The following GPR108 variants were observed in gnomAD, a reference collection of about 807,000 sequenced individuals.
The protein encoded by GPR108 is protein GPR108.
Under a neutral mutation model 74.3 loss-of-function variants are expected in GPR108, and 60 were observed. That is an observed-to-expected ratio of 0.81 (90% CI 0.66 to 1.00). The LOEUF (loss-of-function observed/expected upper bound fraction) is 1.00. Among genes scored for constraint, GPR108 ranks in the 50% least tolerant of loss-of-function variants. GPR108 has a pLI of 0.00. For missense variants in GPR108, 667 were observed against 703.3 expected, an observed-to-expected ratio of 0.95 and a Z score of 0.58; for synonymous variants, 311 against 292.4, an observed-to-expected ratio of 1.06 and a Z score of -0.65.
At chr19:6,737,276 T>A in intron 1 of GPR108, 181 bp downstream of exon 1, 1 of 779,690 alleles carries the variant, frequency 1.3e-6, no homozygotes, top group East Asian at 3.3e-5. Context: ...ACCCGGCAAC[T>A]CCATCCGGAG....
chr19:6,730,606 G>T, intron 17 of GPR108: 1 of 564,958 alleles, frequency 1.8e-6, no homozygotes, highest in Non-Finnish European at 3.1e-6. Context: ...CAGCAGCCCT[G>T]GCCCCACCCA....
chr19:6,730,222 C>T lies in GPR108; in HGVS notation c.*90G>A, dbSNP rs771686815. On this transcript the variant is annotated 3_prime_UTR_variant, in exon 18 of 18. Coordinates refer to ENST00000264080, the MANE Select transcript of GPR108 (RefSeq NM_001080452.2). Reference sequence around the variant, plus strand: ...GCTGGGCGCCTGGTCCACATGGACCCCCTCCACCTCCCCACATACGCTGTG... The same window carrying T: ...GCTGGGCGCCTGGTCCACATGGACCTCCTCCACCTCCCCACATACGCTGTG... 7.9e-7 allele frequency: 1 copy of T among 1,268,176 alleles called. No homozygotes were observed. Among genetic ancestry groups the T allele is most frequent in the African/African-American group, 1.5e-5 (1 of 68,010 alleles). The allele number at this position is 1,268,176 out of a possible 1,614,324, so 78.6% of individuals were successfully genotyped here.
Position 6,730,027 on chromosome 19 carries a change from C to T in GPR108, c.*285G>A, listed in dbSNP as rs1386933182. The T allele has an allele frequency of 6.4e-6, 3 of 472,002 alleles. No homozygotes were observed. The highest frequency in any genetic ancestry group is 1.2e-5 in the Non-Finnish European group (3 of 258,528). 29.2% of individuals were successfully genotyped at this position (472,002 alleles called of 1,614,324 possible). A position where few individuals can be genotyped will look rare whatever the true frequency, so the allele number is the denominator to read the frequency against. The stretch of plus-strand genomic sequence containing the variant: ...GTAAACACAACCTCCGTGTAGACCC[C>T]AACCCCCAAAAAGGCAAGACAACGG... On this transcript the variant is annotated 3_prime_UTR_variant, in exon 18 of 18. Transcript: ENST00000264080.
rs1568240743 is a variant in GPR108, at chr19:6,734,851, T to TC, written c.375-545_375-544insG. Among the ~76,000 whole-genome samples, 23 of 21,930 alleles carry TC rather than the reference T, an allele frequency of 1.0e-3. No individual in the cohort carries two copies. The South Asian group carries it at 0.022, about 21-fold the overall frequency. 14.4% of individuals were successfully genotyped at this position (21,930 alleles called of 152,430 possible). A position where few individuals can be genotyped will look rare whatever the true frequency, so the allele number is the denominator to read the frequency against. ...TGAGCCACCATGGCCAGCCCTACATTATTATTATTATTATTATTATTATTA... is the reference window on the plus strand; with the variant it reads ...TGAGCCACCATGGCCAGCCCTACATTCATTATTATTATTATTATTATTATTA... On this transcript the variant is annotated intron_variant, in intron 4 of 17. Coordinates refer to ENST00000264080, the MANE Select transcript of GPR108 (RefSeq NM_001080452.2).
chr19:6,734,106 C>A, intron 5 of GPR108, 52 bp from the exon 6 acceptor site: 1 of 1,614,128 alleles, frequency 6.2e-7, no homozygotes, highest in Non-Finnish European at 8.5e-7. Context: ...GATAGAGGGG[C>A]AGTGGGAAAA....
rs377623541 is a variant in GPR108 at position 6,735,608 on chromosome 19, G to C, written c.374+14C>G. 1.2e-6 allele frequency: 2 copies of C among 1,611,750 alleles called. No homozygotes were observed. Among genetic ancestry groups the C allele is most frequent in the Non-Finnish European group, 1.7e-6 (2 of 1,178,036 alleles). On this transcript the variant is annotated intron_variant, in intron 4 of 17. Coordinates refer to ENST00000264080, the MANE Select transcript of GPR108 (RefSeq NM_001080452.2). ...AGACGAAGGATCTGAGCGAGCCCCC[G>C]GTCCCCAACTCACTGCAGATCCTTG...
chr19:6,731,320 G>C (rs764404652), intron 15 of GPR108, 38 bp from the exon 16 acceptor site: 2 of 1,527,160 alleles, frequency 1.3e-6, no homozygotes, highest in Admixed American at 2.1e-5. Context: ...CAGGACTGTA[G>C]GGGCACGGGC....
At position 6,732,400 on chromosome 19, in the gene GPR108, C is replaced by A. The variant is rs756351679; in HGVS notation, c.1008-20G>T. On this transcript the variant is annotated intron_variant, in intron 11 of 17. Coordinates refer to ENST00000264080, the MANE Select transcript of GPR108 (RefSeq NM_001080452.2). ...TTCAGCCTGAAGGAGCAGGGGAGGG[C>A]GTGATGATGAGGTGGGGGGCCAACC... 2.5e-6 allele frequency: 4 copies of A among 1,612,310 alleles called. No homozygotes were observed. In the East Asian group the frequency reaches 8.9e-5, roughly 36 times the overall value.
intron 17 of GPR108, 105 bp downstream of exon 17, chr19:6,730,882 C>T (rs1968365623): frequency 1.6e-6 from 2 of 1,242,876 alleles, no homozygotes; most frequent in Admixed American, 4.1e-5. Flanking sequence ...AACACTGCCC[C>T]CAGGGCTGCT....
chr19:6,731,185 G>A lies in GPR108; in HGVS notation c.1434+14C>T. 1 of 1,600,598 alleles carries A rather than the reference G, an allele frequency of 6.2e-7. No individual in the cohort carries two copies. The highest frequency in any genetic ancestry group is 8.5e-7 in the Non-Finnish European group (1 of 1,171,548). On this transcript the variant is annotated intron_variant, in intron 16 of 17. Transcript: ENST00000264080. Reference sequence around the variant, plus strand: ...CGTGGCCGCCCTCCCGTCCCACCTGGGCCTCGGGCTCACCTGGTACAGCCA... The same window carrying A: ...CGTGGCCGCCCTCCCGTCCCACCTGAGCCTCGGGCTCACCTGGTACAGCCA...
At chr19:6,732,706 G>T (rs1568237800) in intron 10 of GPR108, 157 bp from the exon 11 acceptor site, 1 of 688,250 alleles carries the variant, frequency 1.5e-6, no homozygotes, top group Non-Finnish European at 2.6e-6. Flanking sequence ...TGGTAATCGG[G>T]GCTGAAAAAA....
chr19:6,737,376 G>A, intron 1 of GPR108, 81 bp downstream of exon 1: 2 of 1,473,206 alleles, frequency 1.4e-6, no homozygotes, highest in Non-Finnish European at 1.8e-6. Flanking sequence ...GGGGAGGGCG[G>A]ACGAGACCAC....
chr19:6,730,966 T>G (rs977163767), intron 17 of GPR108, 21 bp downstream of exon 17: 17 of 1,201,446 alleles, frequency 1.4e-5, no homozygotes, highest in East Asian at 1.2e-4. Flanking sequence ...CCGCCGGCCC[T>G]GCCCATGGTG....
In GPR108 at chr19:6,731,879, G is replaced by A. The variant is rs777508315; in HGVS notation, c.1300+12C>T. The A allele has an allele frequency of 2.2e-5, 36 of 1,611,056 alleles. No individual in the cohort carries two copies. The highest frequency in any genetic ancestry group is 8.0e-5 in the African/African-American group (6 of 74,894). ...GGCCATGAGCAGAGGGCCTGCAGGC[G>A]CAGGGCCTCACCCTTCCCGTCTGTG... is the stretch of plus-strand genomic sequence containing the variant. On this transcript the variant is annotated intron_variant, in intron 14 of 17. Coordinates refer to ENST00000264080, the MANE Select transcript of GPR108 (RefSeq NM_001080452.2).
At position 6,730,035 on chromosome 19, in the gene GPR108, A is replaced by C. The variant is rs550981872; in HGVS notation, c.*277T>G. ...AACCTCCGTGTAGACCCCAACCCCC[A>C]AAAAGGCAAGACAACGGCGTAGCCA... On this transcript the variant is annotated 3_prime_UTR_variant, in exon 18 of 18. Coordinates refer to ENST00000264080, the MANE Select transcript of GPR108 (RefSeq NM_001080452.2). 3.8e-5 allele frequency: 18 copies of C among 473,836 alleles called. No individual in the cohort carries two copies. The highest frequency in any genetic ancestry group is 1.1e-4 in the Admixed American group (3 of 28,016). The allele number at this position is 473,836 out of a possible 1,614,324, so 29.4% of individuals were successfully genotyped here.
At chr19:6,736,109 G>A in intron 2 of GPR108, 151 bp from the exon 3 acceptor site, 1 of 698,092 alleles carries the variant, frequency 1.4e-6, no homozygotes. Context: ...TTAGAGTTGG[G>A]GTGGTGGGTG....
Position 6,737,408 on chromosome 19 carries a change from G to C in GPR108, c.120+49C>G, listed in dbSNP as rs760519956. On this transcript the variant is annotated intron_variant, in intron 1 of 17. Transcript: ENST00000264080. Reference sequence around the variant, plus strand: ...CCACTCCAAGCCAGGGGGCTTCTCCGAGACAAAGTTGCGCCACCGACCCCA... The same window carrying C: ...CCACTCCAAGCCAGGGGGCTTCTCCCAGACAAAGTTGCGCCACCGACCCCA... The C allele has an allele frequency of 4.5e-6, 7 of 1,565,834 alleles. No individual in the cohort carries two copies. The African/African-American group carries it at 9.8e-5, about 22-fold the overall frequency.
intron 15 of GPR108, 59 bp from the exon 16 acceptor site, chr19:6,731,341 C>A: frequency 6.6e-7 from 1 of 1,513,160 alleles, no homozygotes; most frequent in African/African-American, 1.4e-5. Context: ...AGGCATGGGG[C>A]TAGACTGCAG....
intron 8 of GPR108, 112 bp from the exon 9 acceptor site, chr19:6,733,413 A>T: frequency 7.6e-7 from 1 of 1,310,314 alleles, no homozygotes; most frequent in Non-Finnish European, 1.1e-6. Context: ...CCACTCATCC[A>T]CTCTGAGCCT....
Sources: gnomAD v4.1 joint callset for allele counts (sites outside exome capture counted in the v4.1 genomes callset) on GRCh38, gnomAD v4.1.1 for gene constraint, MANE v1.5 for transcripts, NCBI Gene and HGNC (gene_info 2026-07-23, HGNC 2026-07-21) for gene names.